Variants in SLCO3A1 observed in about 807,000 individuals in gnomAD.
SLCO3A1 encodes solute carrier organic anion transporter family member 3A1, also known as PGE1 transporter.
A neutral mutation model predicts 63.1 loss-of-function variants in SLCO3A1; 27 were observed. That is an observed-to-expected ratio of 0.43 (90% CI 0.32 to 0.59). The LOEUF (loss-of-function observed/expected upper bound fraction) is 0.59, where lower values mean the gene tolerates loss of function less well. Ranked by LOEUF, SLCO3A1 falls within the 20% of genes least tolerant of loss-of-function variation. SLCO3A1 has a pLI of 0.09. For missense variants in SLCO3A1, 773 were observed against 945.8 expected (o/e 0.82, Z 2.40); for synonymous variants, 473 against 409.9 (o/e 1.15, Z -1.86).
chr15:92,107,810 C>A (rs2047684008), intron 4 of SLCO3A1, among the ~76,000 whole-genome samples: 1 of 152,232 alleles, frequency 6.6e-6, no homozygotes, highest in South Asian at 2.1e-4. Context: ...AGGGGGCTGT[C>A]TGCTTTGAGG....
In SLCO3A1 at chr15:91,942,636, T is replaced by G. The variant is rs949217494; in HGVS notation, c.646+26178T>G. ...TCTTGCTCTGTCGACCAGGCTGGAT[T>G]GCAGTGGCCCAATCTCAGCTCACTG... On this transcript the variant is annotated intron_variant, in intron 2 of 9. Transcript: ENST00000318445. The surrounding 1 kb of genome is among the most constrained non-coding windows in gnomAD (Gnocchi z 4.1). Among the ~76,000 whole-genome samples the G allele has an allele frequency of 2.0e-5, 3 of 152,210 alleles. No homozygotes were observed. Among genetic ancestry groups the G allele is most frequent in the African/African-American group, 7.2e-5 (3 of 41,452 alleles).
intron 2 of SLCO3A1, among the ~76,000 whole-genome samples, chr15:91,986,155 T>C (rs1256664025): frequency 6.6e-6 from 1 of 151,210 alleles, no homozygotes; most frequent in Non-Finnish European, 1.5e-5. Context: ...GATGAGGGAG[T>C]ACCTGCTAGC....
chr15:92,060,927 G>A (rs972954224), intron 2 of SLCO3A1, among the ~76,000 whole-genome samples: 68 of 152,178 alleles, frequency 4.5e-4, no homozygotes, highest in African/African-American at 1.6e-3. Flanking sequence ...TTGGGTGATG[G>A]AGATTTTGCA....
At position 91,938,911 on chromosome 15, in the gene SLCO3A1, G is replaced by T. The variant is rs4932591; in HGVS notation, c.646+22453G>T. On this transcript the variant is annotated intron_variant, in intron 2 of 9. Transcript: ENST00000318445. ...GTTTTATCCTAGTCCGGAGAAGTTG[G>T]GTAGGGAAGGGCAGGCCCCCAAGAC... Among the ~76,000 whole-genome samples, 7 of 151,932 alleles carry T rather than the reference G, an allele frequency of 4.6e-5. No individual in the cohort carries two copies. In the East Asian group the frequency reaches 9.7e-4, roughly 21 times the overall value.
chr15:92,139,788 T>C (rs927802717), intron 7 of SLCO3A1, among the ~76,000 whole-genome samples: 1 of 151,628 alleles, frequency 6.6e-6, no homozygotes, highest in African/African-American at 2.4e-5. Context: ...TATTCTCTGA[T>C]GGTAGTTTGT....
chr15:91,939,710 T>G (rs1899550625), intron 2 of SLCO3A1, among the ~76,000 whole-genome samples: 1 of 152,106 alleles, frequency 6.6e-6, no homozygotes, highest in South Asian at 2.1e-4. Context: ...CTTGGACTCT[T>G]TCCCGTCAGT....
intron 1 of SLCO3A1, among the ~76,000 whole-genome samples, chr15:91,857,629 A>G (rs1287244091): frequency 6.6e-6 from 1 of 152,206 alleles, no homozygotes; most frequent in Non-Finnish European, 1.5e-5. Flanking sequence ...TGAGAACTGC[A>G]TGGGGAGAAA....
intron 2 of SLCO3A1, among the ~76,000 whole-genome samples, chr15:92,008,004 C>T (rs866183955): frequency 7.9e-5 from 12 of 152,234 alleles, no homozygotes; most frequent in Admixed American, 3.3e-4. Context: ...CAAATGTCTC[C>T]GATGGGTCCA....
At chr15:91,874,609 T>C (rs866353319) in intron 1 of SLCO3A1, among the ~76,000 whole-genome samples, 10 of 152,258 alleles carry the variant, frequency 6.6e-5, no homozygotes, top group African/African-American at 1.9e-4. Flanking sequence ...CCATAGTATG[T>C]ATAGACCACG....
chr15:91,959,428 T>A (rs1180364402), intron 2 of SLCO3A1, among the ~76,000 whole-genome samples: 1 of 151,944 alleles, frequency 6.6e-6, no homozygotes, highest in Non-Finnish European at 1.5e-5. Flanking sequence ...ACGATTGAAA[T>A]TTTAAAAAAG....
chr15:92,032,123 C>T lies in SLCO3A1; in HGVS notation c.647-62758C>T, dbSNP rs1028090058. Reference sequence around the variant, plus strand: ...CCACTGTGTGTCTTTCACTTAGTGTCGGGTCTCTGCTATAGCAATGTTTGG... The same window carrying T: ...CCACTGTGTGTCTTTCACTTAGTGTTGGGTCTCTGCTATAGCAATGTTTGG... On this transcript the variant is annotated intron_variant, in intron 2 of 9. Coordinates refer to ENST00000318445, the MANE Select transcript of SLCO3A1 (RefSeq NM_013272.4). 2.6e-5 allele frequency among the ~76,000 whole-genome samples: 4 copies of T among 152,278 alleles called. No individual in the cohort carries two copies. The East Asian group carries it at 5.8e-4, about 22-fold the overall frequency.
intron 2 of SLCO3A1, among the ~76,000 whole-genome samples, chr15:91,918,895 G>A (rs1898749296): frequency 6.6e-6 from 1 of 152,252 alleles, no homozygotes; most frequent in Non-Finnish European, 1.5e-5. Context: ...CCTGGTTCCA[G>A]CTCCTGCAGA....
intron 1 of SLCO3A1, among the ~76,000 whole-genome samples, chr15:91,855,308 T>G (rs889359649): frequency 1.3e-5 from 2 of 152,106 alleles, no homozygotes; most frequent in Non-Finnish European, 2.9e-5. Context: ...GGCTCACTGT[T>G]AAAGGGAAAT....
intron 4 of SLCO3A1, among the ~76,000 whole-genome samples, chr15:92,116,526 C>G (rs1437389418): frequency 1.3e-5 from 2 of 152,182 alleles, no homozygotes; most frequent in Admixed American, 6.5e-5. Flanking sequence ...AATCGGTAGG[C>G]GGGGGGTACA....
At chr15:92,105,722 A>G (rs945759705) in intron 4 of SLCO3A1, among the ~76,000 whole-genome samples, 7 of 152,224 alleles carry the variant, frequency 4.6e-5, no homozygotes, top group African/African-American at 1.7e-4. Flanking sequence ...TCATGCAGCC[A>G]GGAGCAAGGT....
chr15:91,949,737 T>C (rs1302115890), intron 2 of SLCO3A1, among the ~76,000 whole-genome samples: 9 of 150,696 alleles, frequency 6.0e-5, no homozygotes, highest in Admixed American at 6.6e-5. Context: ...GCAGATGAGC[T>C]TGTAGTCCCA....
chr15:91,942,232 G>A lies in SLCO3A1; in HGVS notation c.646+25774G>A, dbSNP rs1597141911. ...TCAATATTTTATATTTGACTCTTCT[G>A]TGAAATCCAAAAATGTAGCAACTGC... is the stretch of plus-strand genomic sequence containing the variant. On this transcript the variant is annotated intron_variant, in intron 2 of 9. Transcript: ENST00000318445. This position sits in a 1 kb window ranked among gnomAD's most constrained non-coding sequence, Gnocchi z 4.1. 2.0e-5 allele frequency among the ~76,000 whole-genome samples: 3 copies of A among 152,262 alleles called. No homozygotes were observed. The East Asian group carries it at 5.8e-4, about 29-fold the overall frequency.
intron 2 of SLCO3A1, among the ~76,000 whole-genome samples, chr15:92,079,311 T>C (rs1193112324): frequency 3.3e-5 from 5 of 152,220 alleles, no homozygotes; most frequent in African/African-American, 1.2e-4. Flanking sequence ...GGAGCTGTGT[T>C]AGTCTCCTGG....
At chr15:91,911,724 T>C (rs1464506138) in intron 1 of SLCO3A1, among the ~76,000 whole-genome samples, 1 of 152,082 alleles carries the variant, frequency 6.6e-6, no homozygotes, top group Non-Finnish European at 1.5e-5. Context: ...CCTCCCGGGT[T>C]CAAGCAGTTC....
Sources: allele counts gnomAD v4.1 joint callset (sites outside exome capture counted in the v4.1 genomes callset), GRCh38; gene constraint gnomAD v4.1.1; non-coding constraint Gnocchi (gnomAD v3.1); transcripts MANE v1.5; gene names NCBI Gene and HGNC (gene_info 2026-07-23, HGNC 2026-07-21).